Variants in FADS2 observed in about 807,000 individuals in gnomAD.
FADS2 encodes acyl-CoA 6-desaturase.
A neutral mutation model predicts 61.2 loss-of-function variants in FADS2; 18 were observed. The observed-to-expected ratio is 0.29, with a 90% CI of 0.20 to 0.44. FADS2 has a LOEUF of 0.44. FADS2 is among the 20% of genes least tolerant of loss of function. The probability of loss-of-function intolerance (pLI) is 1.00; values close to 1 mark genes in which losing one functional copy is unlikely to be tolerated. For synonymous variants in FADS2, 203 were observed against 223.9 expected, an observed-to-expected ratio of 0.91 and a Z score of 0.83; for missense variants, 322 against 572.7, an observed-to-expected ratio of 0.56 and a Z score of 4.47.
In FADS2 at chr11:61,828,349, G is replaced by C. The variant is rs1200277286; in HGVS notation, c.-42G>C. The stretch of plus-strand genomic sequence containing the variant: ...CGTCTGTGCAGCGAGCAGCCGGCGC[G>C]GGGAGGCCGCAGTGCACGGGGCGTC... On this transcript the variant is annotated 5_prime_UTR_variant, in exon 1 of 12. Transcript: ENST00000278840. The surrounding 1 kb of genome is among the most constrained non-coding windows in gnomAD (Gnocchi z 6.4). 3 of 1,543,944 alleles carry C rather than the reference G, an allele frequency of 1.9e-6. No individual in the cohort carries two copies. In the Admixed American group the frequency reaches 5.9e-5, roughly 30 times the overall value.
intron 7 of FADS2, chr11:61,862,508 CG>C (rs1402913023): frequency 5.6e-6 from 1 of 177,342 alleles, no homozygotes; most frequent in African/African-American, 2.4e-5. Context: ...GAGATAGGGA[CG>C]ATGGTACCTC....
intron 5 of FADS2, among the ~76,000 whole-genome samples, chr11:61,850,239 CTTTCTTTTCT>C (rs548024956): frequency 1.1e-4 from 17 of 151,910 alleles, no homozygotes; most frequent in African/African-American, 4.1e-4. Flanking sequence ...TTCATAATTT[CTTTCTTTTCT>C]TTTCTTTTCT....
intron 4 of FADS2, among the ~76,000 whole-genome samples, chr11:61,841,539 C>CA (rs775807296): frequency 0.065 from 8,885 of 135,718 alleles, 339 homozygotes; most frequent in African/African-American, 0.11. Context: ...CCCCATCTCT[C>CA]AAAAAAAAAA....
chr11:61,844,111 GA>G (rs1334685804), intron 4 of FADS2, among the ~76,000 whole-genome samples: 1 of 152,124 alleles, frequency 6.6e-6, no homozygotes, highest in Non-Finnish European at 1.5e-5. Flanking sequence ...TTTAATGGTT[GA>G]TTTTTTTTCC....
chr11:61,853,290 C>CCCTTCCTCCCTCCCTTCCTTCCTTCCTT (rs1565334572), intron 5 of FADS2, among the ~76,000 whole-genome samples: 5 of 81,692 alleles, frequency 6.1e-5, no homozygotes, highest in Non-Finnish European at 2.2e-5. Flanking sequence ...CTCCCTCCCT[C>CCCTTCCTCCCTCCCTTCCTTCCTTCCTT]CCTTCCTTCC....
chr11:61,840,983 A>G (rs564083593), intron 4 of FADS2, among the ~76,000 whole-genome samples: 1 of 151,746 alleles, frequency 6.6e-6, no homozygotes, highest in African/African-American at 2.4e-5. Flanking sequence ...AGCGGATTGT[A>G]TTTTTTGATG....
rs2067101460 is a variant in FADS2 at position 61,828,438 on chromosome 11, G to T, written c.48G>T (p.Val16=). ...NQGEGAAERE[V]SVPTFSWEEI... ...GCGAGGGGGCCGCCGAGCGCGAGGT[G>T]TCGGTGCCCACCTTCAGCTGGGAGG... The change falls in exon 1 of 12, where the codon GTG becomes GTT. Residue 16 remains valine (V), a synonymous_variant. Coordinates refer to ENST00000278840, the MANE Select transcript of FADS2 (RefSeq NM_004265.4). The surrounding 1 kb of genome is among the most constrained non-coding windows in gnomAD (Gnocchi z 6.4). The T allele has an allele frequency of 6.3e-7, 1 of 1,593,136 alleles. No homozygotes were observed. The highest frequency in any genetic ancestry group is 2.3e-5 in the East Asian group (1 of 44,058).
chr11:61,865,231 G>A lies in FADS2; in HGVS notation c.1237G>A (p.Glu413Lys), dbSNP rs1470631322. The A allele has an allele frequency of 6.2e-7, 1 of 1,613,812 alleles. No individual in the cohort carries two copies. Among genetic ancestry groups the A allele is most frequent in the Non-Finnish European group, 8.5e-7 (1 of 1,180,002 alleles). ...VKSLCAKHGI[E>K]YQEKPLLRAL... ...GTCTCTATGTGCCAAGCATGGCATTGAATACCAGGAGAAGCCGCTACTGAG... is the reference window on the plus strand; with the variant it reads ...GTCTCTATGTGCCAAGCATGGCATTAAATACCAGGAGAAGCCGCTACTGAG... Residue 413 changes from glutamate to lysine, a missense_variant, in exon 11 of 12, where the codon GAA (glutamate) becomes AAA (lysine). Glu to Lys is a moderately conservative substitution (Grantham distance 56). This residue lies in a region of FADS2 where 221 missense variants were observed against 427.9 expected (regional missense o/e 0.52). Transcript: ENST00000278840. The surrounding 1 kb of genome is among the most constrained non-coding windows in gnomAD (Gnocchi z 4.1).
Position 61,828,350 on chromosome 11 carries a change from G to C in FADS2, c.-41G>C. 6.5e-7 allele frequency: 1 copy of C among 1,544,556 alleles called. No individual in the cohort carries two copies. The highest frequency in any genetic ancestry group is 8.7e-7 in the Non-Finnish European group (1 of 1,144,664). Reference sequence around the variant, plus strand: ...GTCTGTGCAGCGAGCAGCCGGCGCGGGGAGGCCGCAGTGCACGGGGCGTCA... The same window carrying C: ...GTCTGTGCAGCGAGCAGCCGGCGCGCGGAGGCCGCAGTGCACGGGGCGTCA... On this transcript the variant is annotated 5_prime_UTR_variant, in exon 1 of 12. Transcript: ENST00000278840. The surrounding 1 kb of genome is among the most constrained non-coding windows in gnomAD (Gnocchi z 6.4).
Position 61,865,105 on chromosome 11 carries a change from A to G in FADS2, c.1158-47A>G. 3.2e-6 allele frequency: 5 copies of G among 1,586,134 alleles called. No individual in the cohort carries two copies. The highest frequency in any genetic ancestry group is 4.3e-6 in the Non-Finnish European group (5 of 1,162,460). ...GGTGGTGGGAGGAAGCGGGAGCAGC[A>G]TGGCCCTCTGAGTCCTCACGCTCTG... On this transcript the variant is annotated intron_variant, in intron 10 of 11. Transcript: ENST00000278840. This position sits in a 1 kb window ranked among gnomAD's most constrained non-coding sequence, Gnocchi z 4.1.
intron 4 of FADS2, among the ~76,000 whole-genome samples, chr11:61,846,299 T>C (rs560884759): frequency 3.3e-5 from 5 of 152,116 alleles, no homozygotes; most frequent in Non-Finnish European, 7.4e-5. Flanking sequence ...GTAGTTTTAG[T>C]AGAGACGGGG....
At chr11:61,842,170 C>A in intron 4 of FADS2, among the ~76,000 whole-genome samples, 1 of 152,284 alleles carries the variant, frequency 6.6e-6, no homozygotes. Flanking sequence ...CCACCCAGAC[C>A]GCAACGGGGC....
Position 61,866,175 on chromosome 11 carries a change from C to T in FADS2, c.*486C>T, listed in dbSNP as rs1357280539. 5.0e-6 allele frequency: 2 copies of T among 397,966 alleles called. No homozygotes were observed. The highest frequency in any genetic ancestry group is 4.1e-5 in the African/African-American group (2 of 48,656). 24.7% of individuals were successfully genotyped at this position (397,966 alleles called of 1,614,324 possible). On this transcript the variant is annotated 3_prime_UTR_variant, in exon 12 of 12. Coordinates refer to ENST00000278840, the MANE Select transcript of FADS2 (RefSeq NM_004265.4). Reference sequence around the variant, plus strand: ...CCCTCCCGGCCTGGCTTCACTCTCCCTGACGGCTGCCATTGGTCCACCCTT... The same window carrying T: ...CCCTCCCGGCCTGGCTTCACTCTCCTTGACGGCTGCCATTGGTCCACCCTT...
At chr11:61,840,198 C>T (rs1591169704) in intron 2 of FADS2, 136 bp from the exon 3 acceptor site, 4 of 713,312 alleles carry the variant, frequency 5.6e-6, no homozygotes, top group Non-Finnish European at 7.5e-6. Context: ...CCTGGAGGGT[C>T]GAGGCTTGTG....
intron 1 of FADS2, among the ~76,000 whole-genome samples, chr11:61,833,790 C>T (rs748383047): frequency 1.3e-5 from 2 of 152,186 alleles, no homozygotes; most frequent in African/African-American, 2.4e-5. Context: ...GTGTGAAACG[C>T]GGAAGAGGAC....
At chr11:61,817,043 C>A (rs1284894745) in intron 1 of FADS2, 3 of 1,201,144 alleles carry the variant, frequency 2.5e-6, no homozygotes, top group Non-Finnish European at 3.2e-6. Flanking sequence ...GGCGTCGCCG[C>A]CGGATTCGAC....
intron 1 of FADS2, among the ~76,000 whole-genome samples, chr11:61,830,187 G>T (rs1403538152): frequency 1.3e-5 from 2 of 152,218 alleles, no homozygotes; most frequent in Non-Finnish European, 2.9e-5. Flanking sequence ...ACTATATGTT[G>T]CTGGACTTGG....
At chr11:61,859,604 A>G (rs1456747405) in intron 7 of FADS2, among the ~76,000 whole-genome samples, 1 of 152,230 alleles carries the variant, frequency 6.6e-6, no homozygotes, top group Non-Finnish European at 1.5e-5. Flanking sequence ...CAGTGGCTCA[A>G]GTTAGAGACT....
At chr11:61,858,553 A>T (rs2067385041) in intron 7 of FADS2, among the ~76,000 whole-genome samples, 1 of 151,122 alleles carries the variant, frequency 6.6e-6, no homozygotes, top group African/African-American at 2.4e-5. Flanking sequence ...AAATAGGGAC[A>T]TTGGTCATAT....
Sources: gnomAD v4.1 joint callset for allele counts (sites outside exome capture counted in the v4.1 genomes callset) on GRCh38, gnomAD v4.1.1 for gene constraint, gnomAD v4.1.1 regional missense constraint, Gnocchi (gnomAD v3.1) non-coding constraint, MANE v1.5 for transcripts, NCBI Gene and HGNC (gene_info 2026-07-23, HGNC 2026-07-21) for gene names.